The following AFDN variants were observed in gnomAD, a reference collection of about 807,000 sequenced individuals.
AFDN encodes afadin.
AFDN carries 68 observed loss-of-function variants against 216.6 expected under a neutral mutation model. The observed-to-expected ratio is 0.31, with a 90% confidence interval of 0.26 to 0.38. The LOEUF is 0.38. Ranked by LOEUF, AFDN falls within the 10% of genes least tolerant of loss-of-function variation. The pLI is 1.00. For missense variants in AFDN, 2,136 were observed against 2,342.0 expected (o/e 0.91, Z 1.82); for synonymous variants, 868 against 853.7 (o/e 1.02, Z -0.29).
intron 23 of AFDN, among the ~76,000 whole-genome samples, chr6:167,934,518 C>T (rs370864611): frequency 3.9e-4 from 60 of 152,266 alleles, no homozygotes; most frequent in African/African-American, 1.4e-3. Context: ...CAGAGGAGAG[C>T]AGCGAGCGGG....
intron 30 of AFDN, among the ~76,000 whole-genome samples, chr6:167,956,378 G>A (rs962622861): frequency 1.3e-5 from 2 of 152,030 alleles, no homozygotes; most frequent in African/African-American, 2.4e-5. Context: ...TCATAAAGTT[G>A]GGAGGCTGCC....
chr6:167,944,501 A>C (rs1289014800), intron 26 of AFDN, among the ~76,000 whole-genome samples: 2 of 152,230 alleles, frequency 1.3e-5, no homozygotes, highest in Non-Finnish European at 2.9e-5. Flanking sequence ...ATAGGCATCT[A>C]TTTGTATATG....
At position 167,911,176 on chromosome 6, in the gene AFDN, G is replaced by T; in HGVS notation, c.1831+14G>T. ...TCAGGGAAAGTTGTGAGTAATTTCA[G>T]ATTTCATTGTCAATGAATTATTTCT... On this transcript the variant is annotated intron_variant, in intron 14 of 33. Transcript: ENST00000683244. 1 of 1,612,256 alleles carries T rather than the reference G, an allele frequency of 6.2e-7. No individual in the cohort carries two copies. Among genetic ancestry groups the T allele is most frequent in the Non-Finnish European group, 8.5e-7 (1 of 1,178,534 alleles).
At chr6:167,888,580 T>C (rs954216518) in intron 6 of AFDN, among the ~76,000 whole-genome samples, 15 of 152,294 alleles carry the variant, frequency 9.8e-5, no homozygotes, top group African/African-American at 3.6e-4. Flanking sequence ...TTAAAAAAAT[T>C]GTTTGGCTCT....
At chr6:167,856,686 A>G (rs1251967961) in intron 1 of AFDN, among the ~76,000 whole-genome samples, 3 of 152,084 alleles carry the variant, frequency 2.0e-5, no homozygotes, top group Non-Finnish European at 2.9e-5. Context: ...GTCTCATTTA[A>G]TTCTCCACCG....
chr6:167,952,605 T>C, intron 30 of AFDN: 1 of 610,426 alleles, frequency 1.6e-6, no homozygotes, highest in South Asian at 7.4e-5. Context: ...CCCCCAGCTC[T>C]GCTGTTGTAG....
intron 18 of AFDN, 67 bp from the exon 19 acceptor site, chr6:167,915,101 T>C: frequency 6.5e-7 from 1 of 1,535,288 alleles, no homozygotes; most frequent in Non-Finnish European, 8.9e-7. Context: ...CTAAATCTGC[T>C]GCACATTCAA....
chr6:167,863,878 A>G (rs1206014052), intron 1 of AFDN: 5 of 492,872 alleles, frequency 1.0e-5, no homozygotes, highest in Admixed American at 6.3e-5. Flanking sequence ...AGTTACAACT[A>G]TTAGGTTGGT....
At chr6:167,932,290 C>A (rs1793408736) in intron 23 of AFDN, among the ~76,000 whole-genome samples, 1 of 152,180 alleles carries the variant, frequency 6.6e-6, no homozygotes, top group African/African-American at 2.4e-5. Context: ...CCTGACTCGC[C>A]TTCCACACGG....
At chr6:167,966,294 C>T in intron 32 of AFDN, 2 of 1,478,326 alleles carry the variant, frequency 1.4e-6, no homozygotes, top group Non-Finnish European at 1.8e-6. Flanking sequence ...AGTGACAAAT[C>T]AGCTCTCTTT....
intron 1 of AFDN, among the ~76,000 whole-genome samples, chr6:167,829,194 A>T (rs575823403): frequency 9.2e-5 from 14 of 152,326 alleles, no homozygotes; most frequent in African/African-American, 3.4e-4. Flanking sequence ...TCATAATGAA[A>T]TGAATGGTTT....
At chr6:167,849,817 T>C (rs778487497) in intron 1 of AFDN, among the ~76,000 whole-genome samples, 4 of 152,258 alleles carry the variant, frequency 2.6e-5, no homozygotes, top group African/African-American at 7.2e-5. Flanking sequence ...AGAGAATTAA[T>C]TAAGAAAACT....
intron 8 of AFDN, among the ~76,000 whole-genome samples, chr6:167,891,404 G>GGGGTGTGTGTGTGTGTGTGT (rs1350794338): frequency 2.2e-5 from 3 of 138,072 alleles, no homozygotes; most frequent in Non-Finnish European, 4.6e-5. Context: ...TTCATAAAGG[G>GGGGTGTGTGTGTGTGTGTGT]GTGGGTGTGT....
chr6:167,959,315 T>C (rs1325271816), intron 30 of AFDN, among the ~76,000 whole-genome samples: 1 of 152,240 alleles, frequency 6.6e-6, no homozygotes, highest in Non-Finnish European at 1.5e-5. Context: ...TCCTGTGTCA[T>C]TTAATACATT....
chr6:167,968,501 GT>G (rs1199476321), intron 32 of AFDN: 1 of 152,500 alleles, frequency 6.6e-6, no homozygotes, highest in Non-Finnish European at 1.5e-5. Flanking sequence ...TTTGTGGCCT[GT>G]TTAATCCAAT....
At chr6:167,856,096 T>C (rs541111410) in intron 1 of AFDN, among the ~76,000 whole-genome samples, 2 of 152,304 alleles carry the variant, frequency 1.3e-5, no homozygotes, top group South Asian at 2.1e-4. Flanking sequence ...CTCCATGCTG[T>C]ATATGCCTGT....
chr6:167,911,698 A>C, intron 15 of AFDN: 2 of 557,188 alleles, frequency 3.6e-6, no homozygotes, highest in South Asian at 2.2e-5. Context: ...GTAAAACTTC[A>C]GCATAAGTGA....
intron 2 of AFDN, among the ~76,000 whole-genome samples, chr6:167,866,457 A>G (rs922459167): frequency 5.3e-5 from 8 of 152,230 alleles, no homozygotes; most frequent in African/African-American, 1.4e-4. Flanking sequence ...GGCCAGAGGA[A>G]ATACCTAATA....
At chr6:167,949,046 CGG>C (rs1191340679) in intron 29 of AFDN, among the ~76,000 whole-genome samples, 2 of 152,184 alleles carry the variant, frequency 1.3e-5, no homozygotes, top group Non-Finnish European at 2.9e-5. Flanking sequence ...TGAAGATAGG[CGG>C]GGCCAGACAG....
Sources: allele counts gnomAD v4.1 joint callset (sites outside exome capture counted in the v4.1 genomes callset), GRCh38; gene constraint gnomAD v4.1.1; transcripts MANE v1.5; gene names NCBI Gene and HGNC (gene_info 2026-07-23, HGNC 2026-07-21).